Variants in ARHGEF3 observed in about 807,000 individuals in gnomAD.
The protein encoded by ARHGEF3 is Rho guanine nucleotide exchange factor 3.
ARHGEF3 carries 28 observed loss-of-function variants against 63.2 expected under a neutral mutation model. The ratio of observed to expected loss-of-function variants is 0.44; its 90% CI spans 0.33 to 0.61. The LOEUF (loss-of-function observed/expected upper bound fraction) is 0.61, where lower values mean the gene tolerates loss of function less well. ARHGEF3 is among the 20% of genes least tolerant of loss of function. ARHGEF3 has a pLI of 0.03. For synonymous variants in ARHGEF3, 266 were observed against 254.2 expected, an observed-to-expected ratio of 1.05 and a Z score of -0.44; for missense variants, 533 against 659.3, an observed-to-expected ratio of 0.81 and a Z score of 2.10.
chr3:56,862,793 G>A (rs796071075), intron 4 of ARHGEF3, among the ~76,000 whole-genome samples: 32 of 152,264 alleles, frequency 2.1e-4, no homozygotes, highest in Admixed American at 8.5e-4. Flanking sequence ...CCAACTTATA[G>A]GACGCAAGAG....
At chr3:56,968,334 A>AT (rs373914899) in intron 2 of ARHGEF3, among the ~76,000 whole-genome samples, 19,708 of 56,234 alleles carry the variant, frequency 0.35, 5,160 homozygotes, top group Non-Finnish European at 0.44. Flanking sequence ...ATATATATAT[A>AT]ATATATAATA....
intron 2 of ARHGEF3, among the ~76,000 whole-genome samples, chr3:57,014,326 G>A (rs574555283): frequency 3.9e-5 from 6 of 152,258 alleles, no homozygotes; most frequent in South Asian, 4.1e-4. Flanking sequence ...AGAACACACC[G>A]ATTCTGGACA....
chr3:56,915,890 A>G (rs9828362), intron 3 of ARHGEF3, among the ~76,000 whole-genome samples: 142,910 of 152,278 alleles, frequency 0.94, 67,401 homozygotes, highest in Non-Finnish European at 0.99. Flanking sequence ...AACAGAAGGC[A>G]GATGCATCCT....
intron 1 of ARHGEF3, chr3:57,074,041 G>A: frequency 6.2e-7 from 1 of 1,614,176 alleles, no homozygotes; most frequent in Non-Finnish European, 8.5e-7. Flanking sequence ...ATACAGCAAG[G>A]CAGTTGTGAG....
upstream of ARHGEF3, among the ~76,000 whole-genome samples, chr3:56,802,137 G>A (rs1212018250): frequency 1.3e-5 from 2 of 152,192 alleles, no homozygotes; most frequent in African/African-American, 4.8e-5. Flanking sequence ...TCTCCCCGCT[G>A]GTATTCGACT....
At chr3:56,774,787 T>A (rs541782928) in intron 1 of ARHGEF3, among the ~76,000 whole-genome samples, 5 of 152,116 alleles carry the variant, frequency 3.3e-5, no homozygotes, top group Non-Finnish European at 5.9e-5. Context: ...TAATCCCAGC[T>A]ACTCGGGAGG....
At chr3:56,965,248 C>T (rs1700441593) in intron 2 of ARHGEF3, among the ~76,000 whole-genome samples, 2 of 152,060 alleles carry the variant, frequency 1.3e-5, no homozygotes, top group African/African-American at 4.8e-5. Flanking sequence ...ATAAGAAGGC[C>T]CCATTTTAAC....
At chr3:56,916,471 T>C in intron 3 of ARHGEF3, 1 of 1,400,762 alleles carries the variant, frequency 7.1e-7, no homozygotes, top group East Asian at 2.8e-5. Flanking sequence ...TTGGGCTGCA[T>C]GACAGGAAGT....
At chr3:56,822,655 C>A (rs181590326) in intron 4 of ARHGEF3, among the ~76,000 whole-genome samples, 24 of 152,124 alleles carry the variant, frequency 1.6e-4, no homozygotes, top group Non-Finnish European at 2.2e-4. Context: ...GAGCTCAAGA[C>A]CAGCCTGGGC....
chr3:56,957,669 G>T (rs1023414694), intron 3 of ARHGEF3, among the ~76,000 whole-genome samples: 5 of 152,148 alleles, frequency 3.3e-5, no homozygotes, highest in African/African-American at 7.2e-5. Flanking sequence ...AGATTCAGGG[G>T]GTGGTCATGA....
rs373914899 is a variant in ARHGEF3 at position 56,968,334 on chromosome 3, A to ATATATAT, written c.63-9446_63-9445insATATATA. Among the ~76,000 whole-genome samples the ATATATAT allele has an allele frequency of 2.5e-3, 143 of 56,818 alleles. 7 individuals carry two copies. Among genetic ancestry groups the ATATATAT allele is most frequent in the African/African-American group, 8.2e-3 (136 of 16,534 alleles). The allele number at this position is 56,818 out of a possible 152,430, so 37.3% of individuals were successfully genotyped here. A position where few individuals can be genotyped will look rare whatever the true frequency, so the allele number is the denominator to read the frequency against. On this transcript the variant is annotated intron_variant, in intron 2 of 12. Coordinates refer to the ARHGEF3 transcript ENST00000338458. Reference sequence around the variant, plus strand: ...TATAAAATATATTTTATATATATATAATATATAATATATATATTTTTTGAG... The same window carrying ATATATAT: ...TATAAAATATATTTTATATATATATATATATATATATATAATATATATATTTTTTGAG...
At position 57,028,999 on chromosome 3, in the gene ARHGEF3, A is replaced by ACG. The variant is rs1406510771; in HGVS notation, c.62+6088_62+6089insCG. On this transcript the variant is annotated intron_variant, in intron 2 of 12. Transcript: ENST00000338458. The stretch of plus-strand genomic sequence containing the variant: ...GGTGAAGACACACACACACACACAC[A>ACG]CACACACACACACACACCTCCCAAA... Among the ~76,000 whole-genome samples the ACG allele has an allele frequency of 2.0e-5, 3 of 151,840 alleles. No homozygotes were observed. The East Asian group carries it at 5.8e-4, about 29-fold the overall frequency.
At chr3:56,742,561 G>A (rs2034109140) in intron 7 of ARHGEF3, among the ~76,000 whole-genome samples, 1 of 152,154 alleles carries the variant, frequency 6.6e-6, no homozygotes, top group Non-Finnish European at 1.5e-5. Flanking sequence ...CTATATTGGT[G>A]CTTGTTTTAT....
intron 1 of ARHGEF3, among the ~76,000 whole-genome samples, chr3:57,038,225 C>CTGAATGAATGAACAAA (rs1560152581): frequency 6.6e-6 from 1 of 152,104 alleles, no homozygotes; most frequent in Non-Finnish European, 1.5e-5. Flanking sequence ...TCGGTGGTGG[C>CTGAATGAATGAACAAA]TGAATGAATG....
In ARHGEF3 at chr3:56,819,180, A is replaced by G. The variant is rs895479381; in HGVS notation, c.193-45364T>C. 3.1e-4 allele frequency among the ~76,000 whole-genome samples: 47 copies of G among 152,238 alleles called. 1 individual carries two copies. The highest frequency in any genetic ancestry group is 8.8e-5 in the Non-Finnish European group (6 of 68,050). On this transcript the variant is annotated intron_variant, in intron 4 of 12. Transcript: ENST00000338458. Reference sequence around the variant, plus strand: ...CCCTGGGCCACAAAAAGGTTGACTCATAATAGGCACTCAATAAATATTTGT... The same window carrying G: ...CCCTGGGCCACAAAAAGGTTGACTCGTAATAGGCACTCAATAAATATTTGT...
At chr3:56,744,749 C>T (rs1441688980) in intron 7 of ARHGEF3, among the ~76,000 whole-genome samples, 3 of 152,066 alleles carry the variant, frequency 2.0e-5, no homozygotes, top group Admixed American at 2.0e-4. Context: ...CACTAGTGAG[C>T]AGGAGGTTTG....
chr3:56,897,187 T>G (rs1348895524), intron 3 of ARHGEF3, among the ~76,000 whole-genome samples: 2 of 152,246 alleles, frequency 1.3e-5, no homozygotes, highest in African/African-American at 4.8e-5. Flanking sequence ...GATCCGTTAC[T>G]ATCATTTTTC....
At chr3:56,925,288 G>A (rs989037287) in intron 3 of ARHGEF3, among the ~76,000 whole-genome samples, 22 of 152,222 alleles carry the variant, frequency 1.4e-4, no homozygotes, top group Non-Finnish European at 2.8e-4. Context: ...TAACTGTTTG[G>A]TGGTATAATT....
At chr3:56,940,516 C>T (rs1026619543) in intron 3 of ARHGEF3, 1 of 152,168 alleles carries the variant, frequency 6.6e-6, no homozygotes, top group Non-Finnish European at 1.5e-5. Flanking sequence ...TAAGAATGAG[C>T]TCCAATGTTC....
Sources: allele counts gnomAD v4.1 joint callset (sites outside exome capture counted in the v4.1 genomes callset), GRCh38; gene constraint gnomAD v4.1.1; transcripts MANE v1.5; gene names NCBI Gene and HGNC (gene_info 2026-07-23, HGNC 2026-07-21).